F5: variants seen among roughly 807,000 people sequenced by gnomAD.
F5 encodes the protein coagulation factor V.
A neutral mutation model predicts 216.4 loss-of-function variants in F5; 138 were observed. That is an observed-to-expected ratio of 0.64 (90% CI 0.56 to 0.73). The LOEUF is 0.73. F5 is among the 30% of genes least tolerant of loss of function. The pLI is 0.00. For missense variants in F5, 2,403 were observed against 2,674.0 expected (o/e 0.90, Z 2.24); for synonymous variants, 916 against 930.7 (o/e 0.98, Z 0.29).
rs767869864 is a variant in F5, at chr1:169,529,766, C to G, written c.5261G>C (p.Gly1754Ala). Residue 1754 changes from glycine to alanine, a missense_variant, in exon 16 of 25, where the codon GGA becomes GCA. Coordinates refer to ENST00000367797, the MANE Select transcript of F5 (RefSeq NM_000130.5). ...LIGPLLICQK[G>A]ILHKDSNMPM... Reference sequence around the variant, plus strand: ...CATGTTGCTGTCCTTATGTAGTATTCCTTTTTGGCAGATTAGGAGGGGACC... The same window carrying G: ...CATGTTGCTGTCCTTATGTAGTATTGCTTTTTGGCAGATTAGGAGGGGACC... The G allele has an allele frequency of 4.3e-6, 7 of 1,613,462 alleles. No individual in the cohort carries two copies. Among genetic ancestry groups the G allele is most frequent in the Non-Finnish European group, 5.9e-6 (7 of 1,179,722 alleles).
Position 169,529,832 on chromosome 1 carries a change from G to A in F5, c.5209-14C>T, listed in dbSNP as rs1313431474. ...AATATCTTTTTCCTGGAAAAACAGAGTAAATTGTATTGCCTCTTTCTCAGG... is the reference window on the plus strand; with the variant it reads ...AATATCTTTTTCCTGGAAAAACAGAATAAATTGTATTGCCTCTTTCTCAGG... On this transcript the variant is annotated splice_polypyrimidine_tract_variant and intron_variant, in intron 15 of 24. Coordinates refer to ENST00000367797, the MANE Select transcript of F5 (RefSeq NM_000130.5). 9 of 1,605,988 alleles carry A rather than the reference G, an allele frequency of 5.6e-6. No individual in the cohort carries two copies. Among genetic ancestry groups the A allele is most frequent in the Non-Finnish European group, 6.8e-6 (8 of 1,173,386 alleles).
chr1:169,525,961 T>C lies in F5; in HGVS notation c.5656A>G (p.Thr1886Ala). ...GCTCTCTGGTTTTCTCCAACCTCTG[T>C]GTTTAGGAGCCACCAGCCAGGTTTT... is the stretch of plus-strand genomic sequence containing the variant. Reference protein sequence around the residue: ...ASKPGWWLLNTEVGENQRAGM... With the variant: ...ASKPGWWLLNAEVGENQRAGM... The change falls in exon 18 of 25, where the codon ACA becomes GCA. Residue 1886 changes from threonine (T) to alanine (A), a missense_variant. Physicochemically the swap from Thr to Ala is moderately conservative, Grantham distance 58. Around this residue, in one of 4 missense-constraint regions of F5, gnomAD observed 659 missense variants for 787.9 expected, o/e 0.84. Transcript: ENST00000367797. The C allele has an allele frequency of 6.2e-7, 1 of 1,613,388 alleles. No individual in the cohort carries two copies. Among genetic ancestry groups the C allele is most frequent in the Non-Finnish European group, 8.5e-7 (1 of 1,179,446 alleles).
intron 3 of F5, among the ~76,000 whole-genome samples, chr1:169,563,758 C>T (rs924966008): frequency 6.6e-6 from 1 of 151,842 alleles, no homozygotes; most frequent in Admixed American, 6.6e-5. Context: ...TTTATATTCT[C>T]TATCTTCATC....
chr1:169,517,588 A>C (rs1030064784), intron 23 of F5, among the ~76,000 whole-genome samples: 1 of 152,194 alleles, frequency 6.6e-6, no homozygotes, highest in Admixed American at 6.6e-5. Context: ...CCATTCTGAT[A>C]TCTCAGGTCA....
intron 6 of F5, among the ~76,000 whole-genome samples, chr1:169,555,708 C>T (rs2101829560): frequency 6.6e-6 from 1 of 150,790 alleles, no homozygotes; most frequent in East Asian, 2.0e-4. Context: ...AATGAAGTAG[C>T]ACCAGTACCT....
At position 169,544,360 on chromosome 1, in the gene F5, A is replaced by G. The variant is rs778755660; in HGVS notation, c.1911T>C (p.His637=). The part of the protein sequence containing the change: ...TGHSFIYGKR[H]EDTLTLFPMR... ...TGGGGAAGAGGGTCAAGGTGTCCTC[A>G]TGCCTCTTTCCATAGATGAATGAGT... The change falls in exon 12 of 25, where the codon CAT becomes CAC. Residue 637 remains histidine (H), a synonymous_variant. Transcript: ENST00000367797. The G allele has an allele frequency of 1.7e-5, 27 of 1,614,040 alleles. No individual in the cohort carries two copies. Among genetic ancestry groups the G allele is most frequent in the Non-Finnish European group, 2.3e-5 (27 of 1,180,008 alleles).
rs1473627197 is a variant in F5, at chr1:169,523,356, C to A, written c.5893-4G>T. 2 of 1,613,806 alleles carry A rather than the reference C, an allele frequency of 1.2e-6. No homozygotes were observed. The highest frequency in any genetic ancestry group is 2.7e-5 in the African/African-American group (2 of 74,920). Reference sequence around the variant, plus strand: ...TGACTTCCTTTTGCATGTCCACCTGCAATATAGGAAAGCCAGTAAACAGAA... The same window carrying A: ...TGACTTCCTTTTGCATGTCCACCTGAAATATAGGAAAGCCAGTAAACAGAA... On this transcript the variant is annotated splice_polypyrimidine_tract_variant and splice_region_variant and intron_variant, in intron 20 of 24. Coordinates refer to ENST00000367797, the MANE Select transcript of F5 (RefSeq NM_000130.5).
intron 14 of F5, among the ~76,000 whole-genome samples, chr1:169,532,273 C>G (rs571284184): frequency 6.6e-6 from 1 of 152,180 alleles, no homozygotes; most frequent in African/African-American, 2.4e-5. Flanking sequence ...AAGCCTTCCC[C>G]GTGAGAACTG....
In F5 at chr1:169,547,753, T is replaced by A. The variant is rs188733195; in HGVS notation, c.1612-1161A>T. Among the ~76,000 whole-genome samples, 889 of 152,240 alleles carry A rather than the reference T, an allele frequency of 5.8e-3. 12 individuals are homozygous for A. The highest frequency in any genetic ancestry group is 0.021 in the African/African-American group (859 of 41,532). ...ATACACTCTTGGTGGGAGTGTAAAT[T>A]AGTTCAACCATTGTGGAAGATACCA... On this transcript the variant is annotated intron_variant, in intron 10 of 24. Transcript: ENST00000367797.
At chr1:169,577,602 T>TATATAC (rs1660892223) in intron 2 of F5, among the ~76,000 whole-genome samples, 1 of 105,990 alleles carries the variant, frequency 9.4e-6, no homozygotes, top group African/African-American at 4.5e-5. Flanking sequence ...TATATATATA[T>TATATAC]ATGTATGTAT....
chr1:169,550,436 C>T (rs2101825842), intron 9 of F5, among the ~76,000 whole-genome samples: 1 of 152,080 alleles, frequency 6.6e-6, no homozygotes. Flanking sequence ...GCCACTATGA[C>T]ACTAATAAAA....
At chr1:169,580,253 C>T (rs1660958066) in intron 2 of F5, among the ~76,000 whole-genome samples, 1 of 152,162 alleles carries the variant, frequency 6.6e-6, no homozygotes, top group Non-Finnish European at 1.5e-5. Flanking sequence ...ACTCTACTGT[C>T]ATTGCTTGTC....
Position 169,515,470 on chromosome 1 carries a change from T to G in F5, c.6502A>C (p.Arg2168=). ...SEQGVEWKPY[R]LKSSMVDKIF... The stretch of plus-strand genomic sequence containing the variant: ...TTGTCCACCATGGAGGATTTCAGCC[T>G]GTATGGTTTCCATTCCACTCCCTGC... Residue 2168 remains arginine, a synonymous_variant, in exon 24 of 25, where the codon AGG becomes CGG. Transcript: ENST00000367797. 1 of 1,613,478 alleles carries G rather than the reference T, an allele frequency of 6.2e-7. No individual in the cohort carries two copies. Among genetic ancestry groups the G allele is most frequent in the Non-Finnish European group, 8.5e-7 (1 of 1,179,606 alleles).
intron 8 of F5, among the ~76,000 whole-genome samples, chr1:169,552,169 G>T (rs909530211): frequency 6.6e-6 from 1 of 152,130 alleles, no homozygotes; most frequent in Non-Finnish European, 1.5e-5. Flanking sequence ...GATAAATGGT[G>T]CTTTCTTTTT....
intron 1 of F5, among the ~76,000 whole-genome samples, chr1:169,582,736 A>G (rs1200476356): frequency 6.6e-6 from 1 of 152,228 alleles, no homozygotes; most frequent in Non-Finnish European, 1.5e-5. Context: ...TGTGATAACT[A>G]TTTGTTCACA....
chr1:169,573,899 AGT>A (rs1660784878), intron 2 of F5, among the ~76,000 whole-genome samples: 1 of 152,188 alleles, frequency 6.6e-6, no homozygotes, highest in African/African-American at 2.4e-5. Context: ...AATTGTATAT[AGT>A]CAGCCCTCCA....
At chr1:169,518,629 AGAG>A (rs1018730654) in intron 22 of F5, 66 bp from the exon 23 acceptor site, 5 of 1,518,680 alleles carry the variant, frequency 3.3e-6, no homozygotes, top group Non-Finnish European at 4.6e-6. Context: ...CATGCACTGC[AGAG>A]GAGATAAGAA....
chr1:169,516,468 G>A lies in F5; in HGVS notation c.6346-842C>T, dbSNP rs927169102. Reference sequence around the variant, plus strand: ...ATCACCCACACATACATAAGTGTATGTGTATATATAGGTGTATGTGTATAT... The same window carrying A: ...ATCACCCACACATACATAAGTGTATATGTATATATAGGTGTATGTGTATAT... On this transcript the variant is annotated intron_variant, in intron 23 of 24. Transcript: ENST00000367797. Among the ~76,000 whole-genome samples the A allele has an allele frequency of 3.9e-5, 6 of 152,330 alleles. No individual in the cohort carries two copies. In the South Asian group the frequency reaches 1.2e-3, roughly 32 times the overall value.
chr1:169,527,836 G>A (rs1659495445), intron 17 of F5, 79 bp downstream of exon 17: 4 of 1,550,290 alleles, frequency 2.6e-6, no homozygotes, highest in Admixed American at 1.8e-5. Flanking sequence ...TATGCACAAG[G>A]AAGAAATGAG....
Sources: allele counts gnomAD v4.1 joint callset (sites outside exome capture counted in the v4.1 genomes callset), GRCh38; gene constraint gnomAD v4.1.1; regional missense constraint gnomAD v4.1.1; transcripts MANE v1.5; gene names NCBI Gene and HGNC (gene_info 2026-07-23, HGNC 2026-07-21).